Variants in CSF1R observed in about 807,000 individuals in gnomAD.
CSF1R encodes the protein colony stimulating factor 1 receptor, also known as macrophage colony-stimulating factor 1 receptor.
CSF1R carries 40 observed loss-of-function variants against 110.0 expected under a neutral mutation model. That is an observed-to-expected ratio of 0.36 (90% CI 0.28 to 0.47). The LOEUF (loss-of-function observed/expected upper bound fraction) is 0.47. Among genes scored for constraint, CSF1R ranks in the 20% least tolerant of loss-of-function variants. The pLI is 0.99. For synonymous variants in CSF1R, 523 were observed against 503.4 expected, an observed-to-expected ratio of 1.04 and a Z score of -0.52; for missense variants, 1,052 against 1,253.0, an observed-to-expected ratio of 0.84 and a Z score of 2.42.
At chr5:150,107,533 GAAGA>G (rs1257410882) in intron 1 of CSF1R, among the ~76,000 whole-genome samples, 3 of 152,234 alleles carry the variant, frequency 2.0e-5, no homozygotes, top group Admixed American at 2.0e-4. Flanking sequence ...TGTTACAGAT[GAAGA>G]AAGACAGGCT....
chr5:150,104,919 C>G (rs984696176), intron 1 of CSF1R, among the ~76,000 whole-genome samples: 1 of 151,382 alleles, frequency 6.6e-6, no homozygotes, highest in Admixed American at 6.6e-5. Flanking sequence ...CATTCTGTCA[C>G]CCAGGCTGGA....
Position 150,070,464 on chromosome 5 carries a change from G to A in CSF1R, c.1190C>T (p.Thr397Ile). 6.4e-7 allele frequency: 1 copy of A among 1,556,736 alleles called. No homozygotes were observed. Among genetic ancestry groups the A allele is most frequent in the Non-Finnish European group, 8.7e-7 (1 of 1,151,400 alleles). Residue 397 changes from threonine to isoleucine, a missense_variant, in exon 7 of 21, where the codon ACC becomes ATC. Thr to Ile is a moderately conservative substitution (Grantham distance 89, BLOSUM62 -1). Transcript: ENST00000675795. ...TCGGCCCCAGCACTCACATCGAAGG[G>A]TGAGCTCAAACGTCAGAGCTCTCCA... The part of the protein sequence containing the change: ...GGWRALTFEL[T>I]LRYPPEVSVI...
chr5:150,073,405 C>A lies in CSF1R; in HGVS notation c.978G>T (p.Glu326Asp). The change falls in exon 6 of 21, where the codon GAG becomes GAT. Residue 326 changes from glutamate (E) to aspartate (D), a missense_variant. By Grantham distance (45) the Glu-to-Asp change is conservative (BLOSUM62 2). This residue lies in a region of CSF1R where 693 missense variants were observed against 735.4 expected (regional missense o/e 0.94). Coordinates refer to ENST00000675795, the MANE Select transcript of CSF1R (RefSeq NM_001288705.3). ...TAAAACCTTGCAGGCCTGGGTAGGC[C>A]TCCACCATGACTTTGAGGTTGAGCC... Reference protein sequence around the residue: ...GEGLNLKVMVEAYPGLQGFNW... With the variant: ...GEGLNLKVMVDAYPGLQGFNW... 6.2e-7 allele frequency: 1 copy of A among 1,614,160 alleles called. No individual in the cohort carries two copies. The highest frequency in any genetic ancestry group is 8.5e-7 in the Non-Finnish European group (1 of 1,180,026).
At chr5:150,102,366 C>T (rs896479379) in intron 1 of CSF1R, among the ~76,000 whole-genome samples, 2 of 152,138 alleles carry the variant, frequency 1.3e-5, no homozygotes, top group Non-Finnish European at 2.9e-5. Context: ...GTTTCATGTG[C>T]ATTTTCTGTA....
chr5:150,084,370 AGAAAGAAAGAAAGAAAGAAAGAAG>A, intron 1 of CSF1R, among the ~76,000 whole-genome samples: 1 of 43,456 alleles, frequency 2.3e-5, no homozygotes. Context: ...AAAGAAAGAA[AGAAAGAAAGAAAGAAAGAAAGAAG>A]GAAGGAAGGA....
chr5:150,069,984 T>C lies in CSF1R; in HGVS notation c.1399A>G (p.Thr467Ala), dbSNP rs1215536080. 6.8e-6 allele frequency: 11 copies of C among 1,614,088 alleles called. No individual in the cohort carries two copies. Among genetic ancestry groups the C allele is most frequent in the South Asian group, 6.6e-5 (6 of 91,080 alleles). The change falls in exon 9 of 21, where the codon ACG becomes GCG. Residue 467 changes from threonine to alanine, a missense_variant. Physicochemically the swap from Thr to Ala is moderately conservative, Grantham distance 58. Transcript: ENST00000675795. ...VLSQEPFHKV[T>A]VQSLLTVETL... ...TCAACAGTCAGCAGGCTCTGCACCG[T>C]CACCTTGTGGAAGGGCTCCTGGCTC...
Position 150,054,161 on chromosome 5 carries a change from C to T in CSF1R, c.2827G>A (p.Glu943Lys), listed in dbSNP as rs1346813157. 2 of 1,613,446 alleles carry T rather than the reference C, an allele frequency of 1.2e-6. No homozygotes were observed. The highest frequency in any genetic ancestry group is 1.7e-6 in the Non-Finnish European group (2 of 1,179,764). ...AGGTGCTCACTAGAGCTCTCCTCCTCCAGCTCACTGCTGCTGCTGCCGCTG... is the reference window on the plus strand; with the variant it reads ...AGGTGCTCACTAGAGCTCTCCTCCTTCAGCTCACTGCTGCTGCTGCCGCTG... ...GGSGSSSSEL[E>K]EESSSEHLTC... Residue 943 changes from glutamate to lysine, a missense_variant, in exon 21 of 21, where the codon GAG (glutamate) becomes AAG (lysine). Coordinates refer to ENST00000675795, the MANE Select transcript of CSF1R (RefSeq NM_001288705.3).
rs150475750 is a variant in CSF1R at position 150,080,806 on chromosome 5, G to T, written c.268C>A (p.Pro90Thr). Residue 90 changes from proline (P) to threonine (T), a missense_variant, in exon 2 of 21, where the codon CCC (proline) becomes ACC (threonine). Physicochemically the swap from Pro to Thr is conservative, Grantham distance 38. This residue lies in a region of CSF1R where 693 missense variants were observed against 735.4 expected (regional missense o/e 0.94). Transcript: ENST00000675795. The stretch of plus-strand genomic sequence containing the variant: ...TGGATGGCGGCGCTGCCTCCCAGGG[G>T]GTCTCCAGGCTCAGTGCAGCGATAG... The part of the protein sequence containing the change: ...GTYRCTEPGD[P>T]LGGSAAIHLY... 655 of 1,614,144 alleles carry T rather than the reference G, an allele frequency of 4.1e-4. 3 individuals are homozygous for T. In the African/African-American group the frequency reaches 6.6e-3, roughly 16 times the overall value.
At chr5:150,100,374 T>C (rs1280623973) in intron 1 of CSF1R, among the ~76,000 whole-genome samples, 1 of 138,376 alleles carries the variant, frequency 7.2e-6, no homozygotes, top group Non-Finnish European at 1.5e-5. Flanking sequence ...CTCGGCTCAC[T>C]GCAACCTCCG....
intron 18 of CSF1R, among the ~76,000 whole-genome samples, 163 bp downstream of exon 18, chr5:150,055,863 C>T (rs750351344): frequency 8.5e-5 from 13 of 152,226 alleles, no homozygotes; most frequent in Admixed American, 6.5e-4. Flanking sequence ...GAGGGTCTGC[C>T]GAGTCCCGCA....
At chr5:150,078,440 T>C (rs1382594759) in intron 3 of CSF1R, among the ~76,000 whole-genome samples, 192 bp from the exon 4 acceptor site, 1 of 151,998 alleles carries the variant, frequency 6.6e-6, no homozygotes, top group African/African-American at 2.4e-5. Context: ...CCTTGGAAAG[T>C]CTACTTTCTC....
intron 1 of CSF1R, among the ~76,000 whole-genome samples, chr5:150,105,457 C>T (rs112064419): frequency 0.043 from 6,332 of 148,160 alleles, 405 homozygotes; most frequent in African/African-American, 0.15. Context: ...CTCAAGTGAT[C>T]TGCCCGTTTT....
At chr5:150,075,715 T>C (rs1052549949) in intron 5 of CSF1R, among the ~76,000 whole-genome samples, 1 of 152,262 alleles carries the variant, frequency 6.6e-6, no homozygotes, top group African/African-American at 2.4e-5. Context: ...GTATCCTCGA[T>C]GTCTAGAACA....
In CSF1R at chr5:150,057,333, A is replaced by G; in HGVS notation, c.2273T>C (p.Phe758Ser). The G allele has an allele frequency of 6.2e-7, 1 of 1,613,966 alleles. No homozygotes were observed. The highest frequency in any genetic ancestry group is 2.2e-5 in the East Asian group (1 of 44,878). ...CATGCCCTGGGCTACTTGGCTGGAG[A>G]AGTGAAGCAGGTCCCGGAGCTCCAG... The part of the protein sequence containing the change: ...RPLELRDLLH[F>S]SSQVAQGMAF... The change falls in exon 16 of 21, where the codon TTC (phenylalanine) becomes TCC (serine). Residue 758 changes from phenylalanine to serine, a missense_variant. Physicochemically the swap from Phe to Ser is radical, Grantham distance 155. Around this residue, in one of 5 missense-constraint regions of CSF1R, gnomAD observed 124 missense variants for 117.7 expected, o/e 1.05. Transcript: ENST00000675795.
intron 5 of CSF1R, chr5:150,076,775 A>G: frequency 4.5e-6 from 1 of 222,630 alleles, no homozygotes; most frequent in Non-Finnish European, 9.0e-6. Flanking sequence ...TCCCTCTGCC[A>G]GAAGCGCTGT....
chr5:150,077,463 T>C lies in CSF1R; in HGVS notation c.730-28A>G, dbSNP rs377738533. The C allele has an allele frequency of 3.5e-5, 56 of 1,600,434 alleles. No homozygotes were observed. In the African/African-American group the frequency reaches 6.4e-4, roughly 18 times the overall value. On this transcript the variant is annotated intron_variant, in intron 4 of 20. Coordinates refer to ENST00000675795, the MANE Select transcript of CSF1R (RefSeq NM_001288705.3). ...GCAGCCAGAAGGAATGGAGATGTTA[T>C]ACCAAGGTAGTTTAGGGATTAGAAA... is the stretch of plus-strand genomic sequence containing the variant.
Position 150,086,380 on chromosome 5 carries a change from A to G in CSF1R, c.48T>C (p.His16=). ...CCCCACCCCCCGTTCTGCTCTTACC[A>G]TGCCAAGCTGTGGCCACCAGCAGGA... ...LLLLLVATAW[H]GQGIPVIEPS... Residue 16 remains histidine, a splice_region_variant and synonymous_variant, in exon 1 of 21, where the codon CAT becomes CAC. Coordinates refer to ENST00000675795, the MANE Select transcript of CSF1R (RefSeq NM_001288705.3). 6.2e-7 allele frequency: 1 copy of G among 1,608,232 alleles called. No homozygotes were observed. The highest frequency in any genetic ancestry group is 8.5e-7 in the Non-Finnish European group (1 of 1,177,482).
chr5:150,068,470 C>G (rs1213419144), intron 9 of CSF1R, 140 bp from the exon 10 acceptor site: 5 of 591,158 alleles, frequency 8.5e-6, no homozygotes, highest in Admixed American at 6.0e-5. Flanking sequence ...CTGGAAGCCT[C>G]TGGAGCCTCT....
At chr5:150,069,835 GGCGGGGGGGCGGT>G in intron 9 of CSF1R, 25 bp downstream of exon 9, 1 of 1,143,652 alleles carries the variant, frequency 8.7e-7, no homozygotes, top group South Asian at 1.4e-5. Context: ...GCGGGGGGCG[GGCGGGGGGGCGGT>G]GCGGGTGCGA....
Sources: allele counts gnomAD v4.1 joint callset (sites outside exome capture counted in the v4.1 genomes callset), GRCh38; gene constraint gnomAD v4.1.1; regional missense constraint gnomAD v4.1.1; transcripts MANE v1.5; gene names NCBI Gene and HGNC (gene_info 2026-07-23, HGNC 2026-07-21).